Variants in MAP4 observed in about 807,000 individuals in gnomAD.
MAP4 encodes the protein microtubule-associated protein 4.
A neutral mutation model predicts 170.2 loss-of-function variants in MAP4; 76 were observed. The ratio of observed to expected loss-of-function variants is 0.45; its 90% CI spans 0.37 to 0.54. The LOEUF (loss-of-function observed/expected upper bound fraction) is 0.54, where lower values mean the gene tolerates loss of function less well. MAP4 is among the 20% of genes least tolerant of loss of function. MAP4 has a pLI of 0.00. For synonymous variants in MAP4, 909 were observed against 994.5 expected (o/e 0.91, Z 1.62); for missense variants, 2,506 against 2,748.0 (o/e 0.91, Z 1.97).
At chr3:48,002,439 A>G (rs994253624) in intron 1 of MAP4, among the ~76,000 whole-genome samples, 10 of 152,044 alleles carry the variant, frequency 6.6e-5, no homozygotes, top group Middle Eastern at 6.8e-3. Flanking sequence ...GCATACACTT[A>G]TAGTCCTAGC....
rs769818920 is a variant in MAP4 at position 47,914,902 on chromosome 3, C to T, written c.1914G>A (p.Pro638=). 183 of 1,613,998 alleles carry T rather than the reference C, an allele frequency of 1.1e-4. No individual in the cohort carries two copies. The highest frequency in any genetic ancestry group is 1.5e-4 in the Non-Finnish European group (172 of 1,180,032). Residue 638 remains proline, a synonymous_variant, in exon 8 of 21, where the codon CCG becomes CCA. Coordinates refer to ENST00000683076, the MANE Select transcript of MAP4 (RefSeq NM_001385682.1). ...TTTCTAACACAGAATCCTCCTCGGC[C>T]GGCAAGCTGCACTTTTTCCCCGTTC... ...VTGTGKKCSL[P]AEEDSVLEKL...
chr3:47,909,472 T>A lies in MAP4; in HGVS notation c.4949A>T (p.Asp1650Val), dbSNP rs1306274231. 6 of 1,613,814 alleles carry A rather than the reference T, an allele frequency of 3.7e-6. No homozygotes were observed. Among genetic ancestry groups the A allele is most frequent in the Non-Finnish European group, 3.4e-6 (4 of 1,179,894 alleles). ...NAQDRNSKGS[D>V]SLNKKVDLTL... ...CAGATCTACCTTCTTATTCAAACTA[T>A]CTGAACCTTTGGAATTTCTATCTTG... is the stretch of plus-strand genomic sequence containing the variant. Residue 1650 changes from aspartate (D) to valine (V), a missense_variant, in exon 9 of 21, where the codon GAT (aspartate) becomes GTT (valine). Coordinates refer to ENST00000683076, the MANE Select transcript of MAP4 (RefSeq NM_001385682.1).
chr3:47,934,593 G>C (rs956931518), intron 3 of MAP4, among the ~76,000 whole-genome samples: 3 of 152,132 alleles, frequency 2.0e-5, no homozygotes, highest in African/African-American at 7.2e-5. Flanking sequence ...ACCGTGCCTG[G>C]CCCAGTCTGC....
intron 2 of MAP4, among the ~76,000 whole-genome samples, chr3:47,978,933 G>A (rs1371531968): frequency 6.6e-6 from 1 of 151,742 alleles, no homozygotes; most frequent in Non-Finnish European, 1.5e-5. Context: ...AATTCTTTAT[G>A]TATTCCAAAT....
chr3:48,088,803 A>G, exon 1 of MAP4: 1 of 152,892 alleles, frequency 6.5e-6, no homozygotes, highest in Non-Finnish European at 1.5e-5. Flanking sequence ...CTGGGGCAGA[A>G]GGGAGCCAGG....
At chr3:48,046,031 G>A (rs1014321249) in intron 1 of MAP4, among the ~76,000 whole-genome samples, 7 of 136,064 alleles carry the variant, frequency 5.1e-5, no homozygotes, top group Non-Finnish European at 9.2e-5. Flanking sequence ...CACTTATGTA[G>A]ATAAGCTCAC....
chr3:47,919,008 T>G (rs1036929820), intron 5 of MAP4, among the ~76,000 whole-genome samples, 167 bp from the exon 6 acceptor site: 6 of 152,152 alleles, frequency 3.9e-5, no homozygotes, highest in Admixed American at 2.6e-4. Context: ...CTCGGCTCAC[T>G]GCAAGCTCCG....
At chr3:48,052,028 G>C (rs1180310893) in intron 1 of MAP4, among the ~76,000 whole-genome samples, 1 of 152,108 alleles carries the variant, frequency 6.6e-6, no homozygotes, top group African/African-American at 2.4e-5. Context: ...ATGTTTAATA[G>C]CATGCCAATA....
intron 11 of MAP4, chr3:47,877,185 A>G: frequency 2.4e-6 from 1 of 413,708 alleles, no homozygotes; most frequent in Non-Finnish European, 4.5e-6. Flanking sequence ...CCTCTACAGA[A>G]CATTTTTTAC....
intron 3 of MAP4, among the ~76,000 whole-genome samples, chr3:47,949,384 T>C (rs1454644062): frequency 1.3e-5 from 2 of 148,492 alleles, no homozygotes; most frequent in African/African-American, 5.0e-5. Context: ...GAGAATTGCT[T>C]GAACCCAGGA....
At chr3:47,971,258 C>T (rs2100078571) in intron 3 of MAP4, among the ~76,000 whole-genome samples, 1 of 152,312 alleles carries the variant, frequency 6.6e-6, no homozygotes, top group South Asian at 2.1e-4. Flanking sequence ...TAATGTGCAG[C>T]TTATGTCTGG....
chr3:48,035,859 G>C (rs1423464801), intron 1 of MAP4, among the ~76,000 whole-genome samples: 1 of 152,070 alleles, frequency 6.6e-6, no homozygotes, highest in Non-Finnish European at 1.5e-5. Context: ...AGAATTGCTT[G>C]AACCTGGGTG....
intron 3 of MAP4, among the ~76,000 whole-genome samples, chr3:47,929,627 CAAAAAAAAAAAAAAAAAAAAA>C (rs71070242): frequency 2.7e-4 from 3 of 11,194 alleles, no homozygotes; most frequent in Non-Finnish European, 5.3e-4. Flanking sequence ...ACTTATTATG[CAAAAAAAAAAAAAAAAAAAAA>C]AAAAAAAAAG....
chr3:48,084,581 T>A (rs2154571991), intron 1 of MAP4, among the ~76,000 whole-genome samples: 1 of 151,756 alleles, frequency 6.6e-6, no homozygotes. Context: ...ACCCCTTTTT[T>A]TTTTTTTTGC....
chr3:47,924,344 G>A (rs2100044620), intron 4 of MAP4, among the ~76,000 whole-genome samples: 1 of 151,992 alleles, frequency 6.6e-6, no homozygotes. Flanking sequence ...CCATCTATAG[G>A]TTGATGACAC....
intron 1 of MAP4, among the ~76,000 whole-genome samples, chr3:48,036,485 C>A (rs1260310405): frequency 6.6e-6 from 1 of 152,154 alleles, no homozygotes. Context: ...TATCATATTT[C>A]TGTGTACTCA....
intron 17 of MAP4, among the ~76,000 whole-genome samples, chr3:47,858,616 C>T (rs61341965): frequency 1.8e-3 from 187 of 101,880 alleles, no homozygotes; most frequent in African/African-American, 8.3e-3. Flanking sequence ...TGTGTGTGTG[C>T]GCGTTGTGTG....
At chr3:47,966,033 T>G (rs2100074676) in intron 3 of MAP4, among the ~76,000 whole-genome samples, 1 of 151,976 alleles carries the variant, frequency 6.6e-6, no homozygotes, top group South Asian at 2.1e-4. Context: ...TTTGATCCAT[T>G]TTAAGTTAAT....
At position 47,918,912 on chromosome 3, in the gene MAP4, TTTTTGTTTTG is replaced by T. The variant is rs534366956; in HGVS notation, c.530-81_530-72del. ...TTGGAAACAAAAGGTATTTGATATA[TTTTTGTTTTG>T]TTTTGTTTTGTTTGTTTTTTTTTTG... is the stretch of plus-strand genomic sequence containing the variant. On this transcript the variant is annotated intron_variant, in intron 5 of 20. Coordinates refer to ENST00000683076, the MANE Select transcript of MAP4 (RefSeq NM_001385682.1). 1.2e-5 allele frequency: 17 copies of T among 1,399,266 alleles called. No individual in the cohort carries two copies. In the Admixed American group the frequency reaches 2.0e-4, roughly 16 times the overall value. 86.7% of individuals were successfully genotyped at this position (1,399,266 alleles called of 1,614,324 possible). A position where few individuals can be genotyped will look rare whatever the true frequency, so the allele number is the denominator to read the frequency against.
Sources: gnomAD v4.1 joint callset for allele counts (sites outside exome capture counted in the v4.1 genomes callset) on GRCh38, gnomAD v4.1.1 for gene constraint, MANE v1.5 for transcripts, NCBI Gene and HGNC (gene_info 2026-07-23, HGNC 2026-07-21) for gene names.